The following TDRD9 variants were observed in gnomAD, a reference collection of about 807,000 sequenced individuals.
The protein encoded by TDRD9 is ATP-dependent RNA helicase TDRD9.
Under a neutral mutation model 172.6 loss-of-function variants are expected in TDRD9, and 124 were observed. The ratio of observed to expected loss-of-function variants is 0.72; its 90% CI spans 0.62 to 0.83. TDRD9 has a LOEUF of 0.83. Among genes scored for constraint, TDRD9 ranks in the 40% least tolerant of loss-of-function variants. The pLI, the probability that TDRD9 is intolerant of heterozygous loss-of-function variation, is 0.00. For synonymous variants in TDRD9, 619 were observed against 617.1 expected, an observed-to-expected ratio of 1.00 and a Z score of -0.05; for missense variants, 1,479 against 1,714.1, an observed-to-expected ratio of 0.86 and a Z score of 2.42.
At chr14:103,978,759 G>C (rs1223318109) in intron 7 of TDRD9, among the ~76,000 whole-genome samples, 3 of 152,020 alleles carry the variant, frequency 2.0e-5, no homozygotes, top group Non-Finnish European at 4.4e-5. Context: ...GACCTTTACT[G>C]GTTGTCTTAA....
At chr14:104,042,236 C>T (rs775583003) in intron 34 of TDRD9, 49 bp downstream of exon 34, 7 of 1,285,920 alleles carry the variant, frequency 5.4e-6, no homozygotes, top group Admixed American at 5.2e-5. Context: ...TCAACTTTCT[C>T]AGCTGCCTTG....
At chr14:104,000,329 CAAAA>C (rs60498436) in intron 13 of TDRD9, among the ~76,000 whole-genome samples, 9 of 128,002 alleles carry the variant, frequency 7.0e-5, no homozygotes, top group Middle Eastern at 8.0e-3. Flanking sequence ...AGCCCCGTCT[CAAAA>C]AAAAAAAAAA....
intron 1 of TDRD9, among the ~76,000 whole-genome samples, chr14:103,933,026 TACTC>T (rs1169771988): frequency 6.6e-6 from 1 of 152,202 alleles, no homozygotes; most frequent in Non-Finnish European, 1.5e-5. Flanking sequence ...AGTAACACCT[TACTC>T]ACGATGAAGG....
intron 6 of TDRD9, 69 bp downstream of exon 6, chr14:103,970,690 T>A: frequency 7.7e-7 from 1 of 1,291,378 alleles, no homozygotes; most frequent in Non-Finnish European, 1.1e-6. Flanking sequence ...TGTTTCTCTC[T>A]ATAGTCTGTT....
chr14:103,938,280 A>C (rs17101937), intron 1 of TDRD9, among the ~76,000 whole-genome samples: 1 of 151,110 alleles, frequency 6.6e-6, no homozygotes, highest in Admixed American at 6.6e-5. Flanking sequence ...TATTCTTTCT[A>C]TTCCCTAGCT....
rs528059042 is a variant in TDRD9 at position 104,044,675 on chromosome 14, A to C, written c.3974+2488A>C. ...TCATTGTTTGTTATGCCACTTTTTT[A>C]ATCCATTCACCAGTTGATAAAATAT... On this transcript the variant is annotated intron_variant, in intron 34 of 35. Transcript: ENST00000409874. Among the ~76,000 whole-genome samples, 17 of 152,308 alleles carry C rather than the reference A, an allele frequency of 1.1e-4. 2 individuals are homozygous for C. The highest frequency in any genetic ancestry group is 4.1e-4 in the African/African-American group (17 of 41,574).
At chr14:103,938,430 A>ATTTTTTTTT (rs1566723244) in intron 1 of TDRD9, among the ~76,000 whole-genome samples, 1 of 39,928 alleles carries the variant, frequency 2.5e-5, no homozygotes, top group African/African-American at 1.1e-4. Context: ...ATATATATAT[A>ATTTTTTTTT]TATATATATA....
In TDRD9 at chr14:103,997,397, T is replaced by C. The variant is rs2034094773; in HGVS notation, c.1379-1227T>C. The stretch of plus-strand genomic sequence containing the variant: ...GTGAGAGACACATTTGGTCGGCCTC[T>C]AGACATGTGGCCTGAGAGACTGGGA... On this transcript the variant is annotated intron_variant, in intron 12 of 35. Coordinates refer to ENST00000409874, the MANE Select transcript of TDRD9 (RefSeq NM_153046.3). This position sits in a 1 kb window ranked among gnomAD's most constrained non-coding sequence, Gnocchi z 5.1. Among the ~76,000 whole-genome samples the C allele has an allele frequency of 6.6e-6, 1 of 152,178 alleles. No individual in the cohort carries two copies. The highest frequency in any genetic ancestry group is 2.4e-5 in the African/African-American group (1 of 41,432).
At chr14:104,005,201 G>A in intron 14 of TDRD9, 73 bp from the exon 15 acceptor site, 1 of 1,507,888 alleles carries the variant, frequency 6.6e-7, no homozygotes, top group Non-Finnish European at 9.1e-7. Flanking sequence ...TCCCTCTGAA[G>A]CACTGGTTAT....
At chr14:103,930,599 C>A (rs191006385) in intron 1 of TDRD9, among the ~76,000 whole-genome samples, 10 of 152,244 alleles carry the variant, frequency 6.6e-5, no homozygotes, top group African/African-American at 2.4e-4. Context: ...TCAAGTACAC[C>A]TTTGGGATCT....
chr14:103,948,905 A>AT (rs1012753552), intron 1 of TDRD9, among the ~76,000 whole-genome samples: 1 of 151,858 alleles, frequency 6.6e-6, no homozygotes, highest in Non-Finnish European at 1.5e-5. Flanking sequence ...AAAAAAAAAA[A>AT]AATCCTTGAA....
chr14:103,952,148 A>G (rs1308009211), intron 1 of TDRD9, among the ~76,000 whole-genome samples: 2 of 136,516 alleles, frequency 1.5e-5, no homozygotes, highest in Admixed American at 7.6e-5. Flanking sequence ...ATATATATGT[A>G]TATACGTGTA....
chr14:103,943,751 C>G (rs2031402573), intron 1 of TDRD9, among the ~76,000 whole-genome samples: 1 of 152,146 alleles, frequency 6.6e-6, no homozygotes, highest in Non-Finnish European at 1.5e-5. Flanking sequence ...TAGTGGTTTT[C>G]CCTTTTATAG....
At chr14:104,051,935 A>C (rs778837168) in intron 35 of TDRD9, 46 bp from the exon 36 acceptor site, 3 of 1,292,576 alleles carry the variant, frequency 2.3e-6, no homozygotes, top group Non-Finnish European at 2.2e-6. Flanking sequence ...ATGTCTGGAA[A>C]AGCCCTGTCA....
intron 34 of TDRD9, among the ~76,000 whole-genome samples, chr14:104,045,267 C>T (rs900671689): frequency 8.5e-5 from 13 of 152,146 alleles, no homozygotes; most frequent in African/African-American, 2.2e-4. Context: ...GGCACCGGCA[C>T]GTGTTGTTAC....
chr14:104,041,591 C>T (rs2035613121), intron 33 of TDRD9, among the ~76,000 whole-genome samples: 1 of 152,170 alleles, frequency 6.6e-6, no homozygotes, highest in African/African-American at 2.4e-5. Context: ...AGATGCTCAG[C>T]ATCATATGTC....
chr14:104,046,803 A>G (rs955637901), intron 34 of TDRD9, among the ~76,000 whole-genome samples: 2 of 151,770 alleles, frequency 1.3e-5, no homozygotes, highest in Middle Eastern at 3.4e-3. Context: ...CCGCCACCAC[A>G]CCTGGCTAAT....
intron 23 of TDRD9, 73 bp from the exon 24 acceptor site, chr14:104,022,084 T>G (rs892629677): frequency 3.3e-6 from 4 of 1,217,870 alleles, no homozygotes; most frequent in Non-Finnish European, 4.6e-6. Context: ...ATTTCTGTCT[T>G]GAGAGAAATG....
chr14:103,957,477 C>T (rs182780211), intron 2 of TDRD9, among the ~76,000 whole-genome samples: 1 of 152,326 alleles, frequency 6.6e-6, no homozygotes, highest in Admixed American at 6.5e-5. Context: ...GGTCCAATTT[C>T]TACTTATGCT....
Sources: gnomAD v4.1 joint callset for allele counts (sites outside exome capture counted in the v4.1 genomes callset) on GRCh38, gnomAD v4.1.1 for gene constraint, Gnocchi (gnomAD v3.1) non-coding constraint, MANE v1.5 for transcripts, NCBI Gene and HGNC (gene_info 2026-07-23, HGNC 2026-07-21) for gene names.